Variants in AKAP19 observed in about 807,000 individuals in gnomAD.
AKAP19 encodes small A-kinase anchoring protein.
At chr2:189,970,573 T>C in the AKAP19 span, among the ~76,000 whole-genome samples, 1 of 152,216 alleles carries the variant, frequency 6.6e-6, no homozygotes, top group African/African-American at 2.4e-5. Context: ...ATTTCATTCA[T>C]TTTTACTACT....
chr2:190,200,400 C>CTGAA, the AKAP19 span: 1 of 404,068 alleles, frequency 2.5e-6, no homozygotes. Context: ...CAATAATCAG[C>CTGAA]TGAATGTCAC....
At chr2:190,138,900 T>G in the AKAP19 span, among the ~76,000 whole-genome samples, 9 of 152,228 alleles carry the variant, frequency 5.9e-5, no homozygotes, top group Non-Finnish European at 1.2e-4. Flanking sequence ...TATTTGGGGA[T>G]GTTAACCTTT....
the AKAP19 span, among the ~76,000 whole-genome samples, chr2:190,174,323 A>G: frequency 6.6e-6 from 1 of 152,176 alleles, no homozygotes; most frequent in Admixed American, 6.5e-5. Context: ...CAACACTGCC[A>G]TGACTTCTTC....
chr2:189,932,409 A>G, the AKAP19 span, among the ~76,000 whole-genome samples: 1 of 2,224 alleles, frequency 4.5e-4, no homozygotes, highest in Non-Finnish European at 7.4e-3. Context: ...CTCCAACTCA[A>G]AAAAAAAAAA....
the AKAP19 span, among the ~76,000 whole-genome samples, chr2:189,927,340 TTATAGAG>T: frequency 1.3e-5 from 2 of 152,358 alleles, no homozygotes; most frequent in African/African-American, 2.4e-5. Flanking sequence ...AGTGAATAGT[TTATAGAG>T]TATAGAGGAG....
At chr2:190,176,174 T>C in the AKAP19 span, among the ~76,000 whole-genome samples, 1 of 152,228 alleles carries the variant, frequency 6.6e-6, no homozygotes, top group Non-Finnish European at 1.5e-5. This position sits in a 1 kb window ranked among gnomAD's most constrained non-coding sequence, Gnocchi z 4.7. Context: ...CTTGTTTGGC[T>C]ATATAGGTAA....
chr2:190,161,529 T>C, the AKAP19 span, among the ~76,000 whole-genome samples: 6 of 152,202 alleles, frequency 3.9e-5, no homozygotes, highest in African/African-American at 1.2e-4. Context: ...TGTCATCTTA[T>C]AGAGAGATCT....
the AKAP19 span, among the ~76,000 whole-genome samples, chr2:190,010,085 G>C: frequency 6.6e-6 from 1 of 152,166 alleles, no homozygotes; most frequent in African/African-American, 2.4e-5. Context: ...GTTGACAGAA[G>C]TGATCTTCAC....
chr2:189,923,055 G>A, the AKAP19 span, among the ~76,000 whole-genome samples: 4 of 152,202 alleles, frequency 2.6e-5, no homozygotes, highest in Non-Finnish European at 5.9e-5. Flanking sequence ...GGAGGCTGAG[G>A]CAGGAGAATT....
At chr2:189,988,344 C>T in the AKAP19 span, among the ~76,000 whole-genome samples, 1 of 152,136 alleles carries the variant, frequency 6.6e-6, no homozygotes, top group Non-Finnish European at 1.5e-5. Context: ...CTTATGACCT[C>T]CAGAATGATG....
At chr2:190,102,611 T>C in the AKAP19 span, among the ~76,000 whole-genome samples, 2 of 151,982 alleles carry the variant, frequency 1.3e-5, no homozygotes. Flanking sequence ...CCTGGAAACA[T>C]ACAACCTGCC....
At chr2:190,053,769 C>A in the AKAP19 span, among the ~76,000 whole-genome samples, 1 of 151,976 alleles carries the variant, frequency 6.6e-6, no homozygotes, top group East Asian at 1.9e-4. Flanking sequence ...ATAGTTTAAT[C>A]AATATTTGAA....
chr2:190,060,512 ATT>A, the AKAP19 span: 1 of 1,316,760 alleles, frequency 7.6e-7, no homozygotes. Flanking sequence ...ATAGTTGAGC[ATT>A]TTTTTAAATT....
the AKAP19 span, among the ~76,000 whole-genome samples, chr2:190,136,012 C>T: frequency 6.6e-6 from 1 of 152,104 alleles, no homozygotes; most frequent in African/African-American, 2.4e-5. Context: ...AGGGGCATTC[C>T]AGGTGAAACA....
the AKAP19 span, among the ~76,000 whole-genome samples, chr2:190,053,105 A>G: frequency 3.9e-5 from 6 of 152,226 alleles, no homozygotes; most frequent in Admixed American, 2.0e-4. Flanking sequence ...CAATGAAAAC[A>G]AAGCGTGTGT....
the AKAP19 span, among the ~76,000 whole-genome samples, chr2:190,198,121 AG>A: frequency 6.6e-6 from 1 of 152,220 alleles, no homozygotes; most frequent in Admixed American, 6.5e-5. Context: ...AGCGTGAAGC[AG>A]GGCATACAGA....
chr2:190,177,314 CCT>C, the AKAP19 span, among the ~76,000 whole-genome samples: 1 of 152,126 alleles, frequency 6.6e-6, no homozygotes, highest in African/African-American at 2.4e-5. The surrounding 1 kb of genome is among the most constrained non-coding windows in gnomAD (Gnocchi z 4.6). Flanking sequence ...ATTTGCGTTA[CCT>C]CTCTCTAGCG....
At chr2:189,895,675 A>G in the AKAP19 span, among the ~76,000 whole-genome samples, 914 of 152,268 alleles carry the variant, frequency 6.0e-3, 7 homozygotes, top group African/African-American at 0.02. Flanking sequence ...TTGGGACCAA[A>G]TATTGAGGGG....
At chr2:190,004,666 T>C in the AKAP19 span, among the ~76,000 whole-genome samples, 2 of 152,052 alleles carry the variant, frequency 1.3e-5, no homozygotes, top group East Asian at 1.9e-4. Context: ...ATCATTATAA[T>C]CATTTTGAGT....
Sources: allele counts gnomAD v4.1 joint callset (sites outside exome capture counted in the v4.1 genomes callset), GRCh38; gene constraint gnomAD v4.1.1; non-coding constraint Gnocchi (gnomAD v3.1); transcripts MANE v1.5; gene names NCBI Gene and HGNC (gene_info 2026-07-23, HGNC 2026-07-21).